The following RNF157 variants were observed in gnomAD, a reference collection of about 807,000 sequenced individuals.
RNF157 encodes the protein E3 ubiquitin ligase RNF157.
RNF157 carries 55 observed loss-of-function variants against 88.3 expected under a neutral mutation model. That is an observed-to-expected ratio of 0.62 (90% CI 0.50 to 0.78). The LOEUF (loss-of-function observed/expected upper bound fraction) is 0.78, where lower values mean the gene tolerates loss of function less well. Ranked by LOEUF, RNF157 falls within the 30% of genes least tolerant of loss-of-function variation. The pLI, the probability that RNF157 is intolerant of heterozygous loss-of-function variation, is 0.00. For synonymous variants in RNF157, 334 were observed against 341.2 expected, an observed-to-expected ratio of 0.98 and a Z score of 0.23; for missense variants, 788 against 860.8, an observed-to-expected ratio of 0.92 and a Z score of 1.06.
At chr17:76,169,389 GT>G (rs2068977763) in intron 3 of RNF157, among the ~76,000 whole-genome samples, 3 of 152,126 alleles carry the variant, frequency 2.0e-5, no homozygotes, top group South Asian at 2.1e-4. Flanking sequence ...TATTAATGAA[GT>G]TTTCTTCTTC....
At chr17:76,154,456 T>C in intron 16 of RNF157, 128 bp from the exon 17 acceptor site, 6 of 728,856 alleles carry the variant, frequency 8.2e-6, no homozygotes, top group Non-Finnish European at 1.5e-5. Context: ...TATATTTCCA[T>C]CTGTGTTTAA....
At chr17:76,210,500 G>A (rs1273087276) in intron 2 of RNF157, among the ~76,000 whole-genome samples, 2 of 146,238 alleles carry the variant, frequency 1.4e-5, no homozygotes, top group Non-Finnish European at 3.0e-5. Context: ...TGAGGCAGGA[G>A]AATGGCGTGA....
chr17:76,206,293 T>G (rs937345890), intron 2 of RNF157, among the ~76,000 whole-genome samples: 2 of 152,096 alleles, frequency 1.3e-5, no homozygotes, highest in African/African-American at 4.8e-5. Context: ...AAGCCTCTAA[T>G]AACTTAGAGT....
intron 14 of RNF157, among the ~76,000 whole-genome samples, chr17:76,155,997 G>A (rs2068757279): frequency 6.6e-6 from 1 of 152,210 alleles, no homozygotes; most frequent in Non-Finnish European, 1.5e-5. Flanking sequence ...CAGGAGGACT[G>A]GGGCTGAGAG....
chr17:76,152,569 C>A, intron 17 of RNF157, 104 bp from the exon 18 acceptor site: 1 of 723,140 alleles, frequency 1.4e-6, no homozygotes, highest in Non-Finnish European at 2.5e-6. Flanking sequence ...AAAATCAAAT[C>A]ATATGTTAAA....
At chr17:76,185,798 T>A (rs748335342) in intron 2 of RNF157, among the ~76,000 whole-genome samples, 4 of 152,072 alleles carry the variant, frequency 2.6e-5, no homozygotes, top group Non-Finnish European at 5.9e-5. Flanking sequence ...GAGCAACCCA[T>A]CCTCACTACC....
chr17:76,157,069 C>T lies in RNF157; in HGVS notation c.1414-748G>A, dbSNP rs571397058. Among the ~76,000 whole-genome samples the T allele has an allele frequency of 6.6e-5, 10 of 152,000 alleles. No individual in the cohort carries two copies. The highest frequency in any genetic ancestry group is 1.2e-4 in the Non-Finnish European group (8 of 67,978). ...GCAACCCCTGCCTCCTGGGTTCAAG[C>T]GATTCTCCTGCCTCAGCCTCCCGAG... On this transcript the variant is annotated intron_variant, in intron 13 of 18. Transcript: ENST00000269391. This position sits in a 1 kb window ranked among gnomAD's most constrained non-coding sequence, Gnocchi z 5.6.
rs942831236 is a variant in RNF157, at chr17:76,185,509, G to C, written c.208-11719C>G. On this transcript the variant is annotated intron_variant, in intron 2 of 18. Coordinates refer to ENST00000269391, the MANE Select transcript of RNF157 (RefSeq NM_052916.3). The stretch of plus-strand genomic sequence containing the variant: ...TTTTGAGACGGAGTCTCGCTCTGTC[G>C]CCCAGGCTGGAGTGCAGTGGCGCGA... 4.2e-5 allele frequency among the ~76,000 whole-genome samples: 6 copies of C among 142,584 alleles called. 1 individual carries two copies. Among genetic ancestry groups the C allele is most frequent in the Admixed American group, 4.1e-4 (6 of 14,524 alleles). 93.5% of individuals were successfully genotyped at this position (142,584 alleles called of 152,430 possible). A position where few individuals can be genotyped will look rare whatever the true frequency, so the allele number is the denominator to read the frequency against.
chr17:76,233,101 T>C (rs1178950572), intron 1 of RNF157, among the ~76,000 whole-genome samples: 4 of 152,132 alleles, frequency 2.6e-5, no homozygotes, highest in African/African-American at 2.4e-5. Flanking sequence ...TTTGTATTTT[T>C]AGCAGAGACA....
At chr17:76,192,088 C>A (rs2069396980) in intron 2 of RNF157, among the ~76,000 whole-genome samples, 1 of 152,168 alleles carries the variant, frequency 6.6e-6, no homozygotes, top group Non-Finnish European at 1.5e-5. Context: ...ATGGGGTGCA[C>A]AATGACAACA....
intron 2 of RNF157, among the ~76,000 whole-genome samples, chr17:76,188,281 C>A (rs2069327282): frequency 6.6e-6 from 1 of 152,128 alleles, no homozygotes; most frequent in Non-Finnish European, 1.5e-5. Context: ...CTCCACTGCC[C>A]CATGTGGTCA....
At position 76,179,430 on chromosome 17, in the gene RNF157, GTC is replaced by G. The variant is rs558090822; in HGVS notation, c.208-5642_208-5641del. Among the ~76,000 whole-genome samples the G allele has an allele frequency of 1.6e-4, 25 of 152,182 alleles. No individual in the cohort carries two copies. The East Asian group carries it at 3.9e-3, about 23-fold the overall frequency. The stretch of plus-strand genomic sequence containing the variant: ...AAAGAGGCCAAGCGTGGTGGTTCAT[GTC>G]TCTAATCCCAGCACTTTGGGAGGTC... On this transcript the variant is annotated intron_variant, in intron 2 of 18. Transcript: ENST00000269391.
intron 2 of RNF157, among the ~76,000 whole-genome samples, chr17:76,207,248 T>C (rs2069696242): frequency 6.6e-6 from 1 of 152,142 alleles, no homozygotes; most frequent in Non-Finnish European, 1.5e-5. Flanking sequence ...AGAAAGACCC[T>C]GTCTCTACAA....
intron 2 of RNF157, among the ~76,000 whole-genome samples, chr17:76,194,964 G>C (rs1023970628): frequency 3.9e-5 from 6 of 152,096 alleles, no homozygotes; most frequent in African/African-American, 1.4e-4. Flanking sequence ...ACAGTGAGCC[G>C]AGATAGCACC....
At chr17:76,177,201 C>T (rs561213700) in intron 2 of RNF157, among the ~76,000 whole-genome samples, 1 of 152,180 alleles carries the variant, frequency 6.6e-6, no homozygotes, top group East Asian at 1.9e-4. Context: ...GCTGCAGGGG[C>T]TGCATGCTCC....
At chr17:76,174,083 A>C (rs1455201426) in intron 2 of RNF157, among the ~76,000 whole-genome samples, 2 of 152,134 alleles carry the variant, frequency 1.3e-5, no homozygotes, top group African/African-American at 4.8e-5. Context: ...TAATAAAAAA[A>C]AAAACCGCTG....
chr17:76,229,168 T>C (rs1287795422), intron 1 of RNF157, among the ~76,000 whole-genome samples: 2 of 152,200 alleles, frequency 1.3e-5, no homozygotes, highest in African/African-American at 2.4e-5. Flanking sequence ...CCCTGGATAG[T>C]TTGTGTCTCT....
chr17:76,187,809 G>T (rs763208297), intron 2 of RNF157, among the ~76,000 whole-genome samples: 5 of 152,084 alleles, frequency 3.3e-5, no homozygotes, highest in Non-Finnish European at 7.4e-5. Context: ...TGTTGGTCAG[G>T]CTGCTCTTGA....
chr17:76,154,465 A>T, intron 16 of RNF157, 137 bp from the exon 17 acceptor site: 3 of 702,396 alleles, frequency 4.3e-6, no homozygotes, highest in African/African-American at 1.8e-5. Flanking sequence ...ATCTGTGTTT[A>T]ATATGCCTCA....
Sources: gnomAD v4.1 joint callset for allele counts (sites outside exome capture counted in the v4.1 genomes callset) on GRCh38, gnomAD v4.1.1 for gene constraint, Gnocchi (gnomAD v3.1) non-coding constraint, MANE v1.5 for transcripts, NCBI Gene and HGNC (gene_info 2026-07-23, HGNC 2026-07-21) for gene names.